CCNB2: variants seen among roughly 807,000 people sequenced by gnomAD.
CCNB2 encodes cyclin B2.
A neutral mutation model predicts 51.1 loss-of-function variants in CCNB2; 39 were observed. That is an observed-to-expected ratio of 0.76 (90% CI 0.59 to 1.00). CCNB2 has a LOEUF of 1.00. Among genes scored for constraint, CCNB2 ranks in the 50% least tolerant of loss-of-function variants. The pLI is 0.00. For synonymous variants in CCNB2, 174 were observed against 165.5 expected, an observed-to-expected ratio of 1.05 and a Z score of -0.40; for missense variants, 472 against 470.3, an observed-to-expected ratio of 1.00 and a Z score of -0.03.
At chr15:59,105,486 G>A (rs1197825956) in intron 1 of CCNB2, among the ~76,000 whole-genome samples, 194 bp downstream of exon 1, 1 of 152,106 alleles carries the variant, frequency 6.6e-6, no homozygotes, top group Non-Finnish European at 1.5e-5. Context: ...TCTGGATTCC[G>A]CCCTCCCCTA....
chr15:59,124,004 C>A, intron 8 of CCNB2: 1 of 194,822 alleles, frequency 5.1e-6, no homozygotes, highest in Non-Finnish European at 1.1e-5. Context: ...CTTCAAATGG[C>A]GGTGTATTAT....
At chr15:59,120,850 C>T (rs2079299128) in intron 7 of CCNB2, among the ~76,000 whole-genome samples, 1 of 152,160 alleles carries the variant, frequency 6.6e-6, no homozygotes, top group African/African-American at 2.4e-5. Flanking sequence ...CTGGTGGTTT[C>T]CACCTTCACC....
chr15:59,107,436 G>A lies in CCNB2; in HGVS notation c.139G>A (p.Ala47Thr). The A allele has an allele frequency of 6.2e-7, 1 of 1,613,896 alleles. No homozygotes were observed. Among genetic ancestry groups the A allele is most frequent in the African/African-American group, 1.3e-5 (1 of 74,956 alleles). ...TGGAAATAGAGTTACAACCAGAGCA[G>A]CACAAGTAGCTAAGGTAACAATGAT... The part of the protein sequence containing the change: ...EIGNRVTTRA[A>T]QVAKKAQNTK... Residue 47 changes from alanine to threonine, a missense_variant, in exon 2 of 9, where the codon GCA becomes ACA. Physicochemically the swap from Ala to Thr is moderately conservative, Grantham distance 58 (BLOSUM62 0). Transcript: ENST00000288207.
At chr15:59,121,931 C>CAAAAA (rs3052992) in intron 7 of CCNB2, among the ~76,000 whole-genome samples, 182 of 14,104 alleles carry the variant, frequency 0.013, 16 homozygotes, top group African/African-American at 0.032. Context: ...GACTCTGTCT[C>CAAAAA]AAAAAAAAAA....
chr15:59,116,983 C>G (rs948891999), intron 6 of CCNB2, 57 bp downstream of exon 6: 15 of 1,389,050 alleles, frequency 1.1e-5, no homozygotes, highest in African/African-American at 1.4e-5. Flanking sequence ...ATCCCAGAAA[C>G]CTTGACCTAA....
chr15:59,105,425 C>A, intron 1 of CCNB2, 133 bp downstream of exon 1: 1 of 1,022,478 alleles, frequency 9.8e-7, no homozygotes, highest in Admixed American at 2.2e-5. Context: ...CTCACTGCTT[C>A]GCCCGCGTCC....
intron 7 of CCNB2, 40 bp from the exon 8 acceptor site, chr15:59,123,477 C>T: frequency 2.5e-6 from 3 of 1,177,664 alleles, no homozygotes; most frequent in South Asian, 2.5e-5. Context: ...TTTTCTCTTG[C>T]CCCTCAGTCA....
intron 3 of CCNB2, among the ~76,000 whole-genome samples, chr15:59,109,858 C>T (rs976843746): frequency 5.9e-5 from 9 of 151,996 alleles, no homozygotes; most frequent in Admixed American, 1.3e-4. Context: ...AGGTGGTGGG[C>T]GCCTGTAGTC....
Position 59,105,293 on chromosome 15 carries a change from G to A in CCNB2, c.24+1G>A, listed in dbSNP as rs936044132. On this transcript the variant is annotated splice_donor_variant, in intron 1 of 8. Coordinates refer to ENST00000288207, the MANE Select transcript of CCNB2 (RefSeq NM_004701.4). LOFTEE classifies it high-confidence loss of function. ...CATGGCGCTGCTCCGACGCCCGACG[G>A]TGAGTGTGCCCGGGGACCGCTCTCA... The A allele has an allele frequency of 6.4e-7, 1 of 1,563,200 alleles. No individual in the cohort carries two copies. The highest frequency in any genetic ancestry group is 8.6e-7 in the Non-Finnish European group (1 of 1,157,672).
chr15:59,105,780 T>A (rs1460266915), intron 1 of CCNB2, among the ~76,000 whole-genome samples: 1 of 152,236 alleles, frequency 6.6e-6, no homozygotes, highest in African/African-American at 2.4e-5. Flanking sequence ...CCAGGCTGTT[T>A]TTCAGATTGT....
intron 7 of CCNB2, among the ~76,000 whole-genome samples, chr15:59,118,084 G>A (rs374373508): frequency 6.6e-5 from 10 of 152,378 alleles, no homozygotes; most frequent in South Asian, 6.2e-4. Flanking sequence ...TAGATATTAC[G>A]TTAAGTGAAA....
At position 59,114,494 on chromosome 15, in the gene CCNB2, C is replaced by G. The variant is rs775189310; in HGVS notation, c.318C>G (p.Cys106Trp). Residue 106 changes from cysteine to tryptophan, a missense_variant, in exon 4 of 9, where the codon TGC (cysteine) becomes TGG (tryptophan). By Grantham distance (215) the Cys-to-Trp change is radical. Coordinates refer to ENST00000288207, the MANE Select transcript of CCNB2 (RefSeq NM_004701.4). ...EDVSMKEENL[C>W]QAFSDALLCK... is the part of the protein sequence containing the mutation. ...TCTCCATGAAGGAAGAGAATCTCTGCCAAGCTTTTTCTGATGCCTTGCTCT... is the reference window on the plus strand; with the variant it reads ...TCTCCATGAAGGAAGAGAATCTCTGGCAAGCTTTTTCTGATGCCTTGCTCT... 6.2e-7 allele frequency: 1 copy of G among 1,613,308 alleles called. No homozygotes were observed. Among genetic ancestry groups the G allele is most frequent in the Non-Finnish European group, 8.5e-7 (1 of 1,179,714 alleles).
At position 59,117,274 on chromosome 15, in the gene CCNB2, C is replaced by T; in HGVS notation, c.881C>T (p.Thr294Ile). 1 of 1,613,496 alleles carries T rather than the reference C, an allele frequency of 6.2e-7. No individual in the cohort carries two copies. Among genetic ancestry groups the T allele is most frequent in the Non-Finnish European group, 8.5e-7 (1 of 1,179,942 alleles). Residue 294 changes from threonine to isoleucine, a missense_variant, in exon 7 of 9, where the codon ACT becomes ATT. Physicochemically the swap from Thr to Ile is moderately conservative, Grantham distance 89 (BLOSUM62 -1). Transcript: ENST00000288207. ...TTAGCCAAGTATTTGATGGAGCTGA[C>T]TCTCATCGACTATGATATGGTGCAT... Reference protein sequence around the residue: ...HTLAKYLMELTLIDYDMVHYH... With the variant: ...HTLAKYLMELILIDYDMVHYH...
rs552092989 is a variant in CCNB2 at position 59,117,384 on chromosome 15, A to G, written c.975+16A>G. On this transcript the variant is annotated intron_variant, in intron 7 of 8. Coordinates refer to ENST00000288207, the MANE Select transcript of CCNB2 (RefSeq NM_004701.4). ...AGGAAAATGGGTGAGTGGTGGATTT[A>G]AGAAGAAACTAATTAGGCTATATTT... The G allele has an allele frequency of 6.2e-7, 1 of 1,609,896 alleles. No homozygotes were observed. The highest frequency in any genetic ancestry group is 1.7e-5 in the Admixed American group (1 of 59,848).
chr15:59,112,991 G>C (rs895660528), intron 3 of CCNB2, among the ~76,000 whole-genome samples: 2 of 151,482 alleles, frequency 1.3e-5, no homozygotes, highest in African/African-American at 4.9e-5. Flanking sequence ...CCAAGGTCGT[G>C]CCACTGCACT....
chr15:59,109,933 G>A (rs1024751253), intron 3 of CCNB2, among the ~76,000 whole-genome samples: 4 of 152,172 alleles, frequency 2.6e-5, no homozygotes, highest in African/African-American at 9.7e-5. Context: ...CCTGCAGTGA[G>A]CCGAGATTGT....
chr15:59,119,864 G>A (rs1442112427), intron 7 of CCNB2, among the ~76,000 whole-genome samples: 2 of 152,014 alleles, frequency 1.3e-5, no homozygotes, highest in Admixed American at 1.3e-4. Flanking sequence ...ACGCCATCAT[G>A]CCTGGCTAAT....
At chr15:59,107,763 C>A (rs1282847923) in intron 3 of CCNB2, 93 bp downstream of exon 3, 1 of 868,246 alleles carries the variant, frequency 1.2e-6, no homozygotes, top group South Asian at 1.6e-5. Context: ...TACCTTCTAA[C>A]GAACATTCAT....
chr15:59,120,417 G>A (rs1386230757), intron 7 of CCNB2, among the ~76,000 whole-genome samples: 1 of 152,142 alleles, frequency 6.6e-6, no homozygotes, highest in Non-Finnish European at 1.5e-5. Context: ...TTGAGCCCAG[G>A]AGTTGGAGGC....
Sources: allele counts gnomAD v4.1 joint callset (sites outside exome capture counted in the v4.1 genomes callset), GRCh38; gene constraint gnomAD v4.1.1; transcripts MANE v1.5; gene names NCBI Gene and HGNC (gene_info 2026-07-23, HGNC 2026-07-21).